CNIH3: variants seen among roughly 807,000 people sequenced by gnomAD.
CNIH3 encodes cornichon family AMPA receptor auxiliary protein 3, also known as protein cornichon homolog 3.
CNIH3 carries 14 observed loss-of-function variants against 24.1 expected under a neutral mutation model. That is an observed-to-expected ratio of 0.58 (90% CI 0.38 to 0.91). CNIH3 has a LOEUF of 0.91. Ranked by LOEUF, CNIH3 falls within the 40% of genes least tolerant of loss-of-function variation. The pLI is 0.00. For missense variants in CNIH3, 178 were observed against 196.8 expected (o/e 0.90, Z 0.57); for synonymous variants, 68 against 73.8 (o/e 0.92, Z 0.40).
downstream of CNIH3, among the ~76,000 whole-genome samples, chr1:224,592,757 A>C (rs1055947394): frequency 6.6e-6 from 1 of 152,190 alleles, no homozygotes; most frequent in East Asian, 1.9e-4. Flanking sequence ...GGCATTTGGC[A>C]TGCACCAGGA....
At chr1:224,522,526 C>T (rs1558127988) in intron 2 of CNIH3, among the ~76,000 whole-genome samples, 1 of 152,146 alleles carries the variant, frequency 6.6e-6, no homozygotes, top group Non-Finnish European at 1.5e-5. Context: ...GTAAAGTGCT[C>T]CTATCTGGAA....
chr1:224,454,769 T>C (rs561688815), intron 1 of CNIH3, among the ~76,000 whole-genome samples: 43 of 152,200 alleles, frequency 2.8e-4, no homozygotes, highest in African/African-American at 1.0e-3. Context: ...CAGTTAGGCA[T>C]TTTACCTGGC....
At chr1:224,479,040 G>A (rs1365788072) in intron 1 of CNIH3, among the ~76,000 whole-genome samples, 2 of 151,956 alleles carry the variant, frequency 1.3e-5, no homozygotes, top group Non-Finnish European at 2.9e-5. Flanking sequence ...TGAGATTTTG[G>A]TGGGGACACA....
intron 5 of CNIH3, among the ~76,000 whole-genome samples, chr1:224,736,636 G>C (rs760548831): frequency 3.3e-5 from 5 of 152,174 alleles, no homozygotes; most frequent in Non-Finnish European, 5.9e-5. Flanking sequence ...ATTCTACTTG[G>C]TTCTGCCTTC....
chr1:224,670,219 C>T (rs977787002), intron 1 of CNIH3, among the ~76,000 whole-genome samples: 10 of 152,038 alleles, frequency 6.6e-5, no homozygotes, highest in African/African-American at 2.2e-4. Context: ...GGCATGGAGC[C>T]GGGGTGGTCC....
At chr1:224,522,406 T>C (rs929564715) in intron 2 of CNIH3, among the ~76,000 whole-genome samples, 2 of 152,146 alleles carry the variant, frequency 1.3e-5, no homozygotes, top group African/African-American at 4.8e-5. Flanking sequence ...GAGTCTGATT[T>C]TGACTCCTCC....
intron 1 of CNIH3, among the ~76,000 whole-genome samples, chr1:224,466,391 A>G (rs1171856073): frequency 6.6e-6 from 1 of 152,224 alleles, no homozygotes; most frequent in Admixed American, 6.5e-5. Context: ...ATCAATCAGC[A>G]TAATTCCCTT....
At chr1:224,536,657 G>A (rs1001549904) in intron 2 of CNIH3, among the ~76,000 whole-genome samples, 1 of 152,266 alleles carries the variant, frequency 6.6e-6, no homozygotes, top group African/African-American at 2.4e-5. Flanking sequence ...CCAAGGTGAC[G>A]GGGCAGAGAT....
At chr1:224,725,497 G>C (rs757558733) in intron 3 of CNIH3, among the ~76,000 whole-genome samples, 4 of 152,200 alleles carry the variant, frequency 2.6e-5, no homozygotes, top group Non-Finnish European at 4.4e-5. Context: ...AAAGCTTGTT[G>C]TCTGAGTCGA....
chr1:224,640,898 GC>G (rs1684326096), intron 1 of CNIH3, among the ~76,000 whole-genome samples: 1 of 152,234 alleles, frequency 6.6e-6, no homozygotes, highest in Non-Finnish European at 1.5e-5. Flanking sequence ...GTTCTAAGCA[GC>G]AGATCTAAAG....
At chr1:224,668,515 T>A (rs779913071) in intron 1 of CNIH3, among the ~76,000 whole-genome samples, 17 of 152,168 alleles carry the variant, frequency 1.1e-4, no homozygotes, top group Non-Finnish European at 2.2e-4. Context: ...GAATGAGTAA[T>A]GATGGATCTT....
At chr1:224,699,397 C>G (rs1378472822) in intron 3 of CNIH3, among the ~76,000 whole-genome samples, 1 of 152,210 alleles carries the variant, frequency 6.6e-6, no homozygotes, top group African/African-American at 2.4e-5. Flanking sequence ...TGAATGTCAG[C>G]CAGGGGTGCC....
chr1:224,651,389 G>C (rs970400639), intron 1 of CNIH3, among the ~76,000 whole-genome samples: 1 of 151,978 alleles, frequency 6.6e-6, no homozygotes, highest in African/African-American at 2.4e-5. Flanking sequence ...AGTTGATAAG[G>C]GATTACATCA....
chr1:224,541,518 C>A (rs895761434), downstream of CNIH3, among the ~76,000 whole-genome samples: 2 of 152,168 alleles, frequency 1.3e-5, no homozygotes, highest in Non-Finnish European at 2.9e-5. Flanking sequence ...GATGTGCATG[C>A]ATATTAAAAA....
At chr1:224,581,182 T>C (rs1572518791) in intron 4 of CNIH3, among the ~76,000 whole-genome samples, 2 of 152,218 alleles carry the variant, frequency 1.3e-5, no homozygotes, top group African/African-American at 4.8e-5. Context: ...TCATACCATG[T>C]TGCTTTTGTC....
rs569906577 is a variant in CNIH3, at chr1:224,604,110, C to T, written n.402+37846C>T. On this transcript the variant is annotated intron_variant and non_coding_transcript_variant, in intron 3 of 7. Coordinates refer to the CNIH3 transcript ENST00000478120. The surrounding 1 kb of genome is among the most constrained non-coding windows in gnomAD (Gnocchi z 4.4). The stretch of plus-strand genomic sequence containing the variant: ...TACACAATGCTTTGTGATTAATAAG[C>T]ACATGGGAGGCCCATTTGTCAGTGG... 2.0e-5 allele frequency among the ~76,000 whole-genome samples: 3 copies of T among 152,300 alleles called. No homozygotes were observed. The highest frequency in any genetic ancestry group is 6.5e-5 in the Admixed American group (1 of 15,304).
intron 3 of CNIH3, among the ~76,000 whole-genome samples, chr1:224,702,915 A>G (rs1413532449): frequency 6.6e-6 from 1 of 152,082 alleles, no homozygotes; most frequent in Non-Finnish European, 1.5e-5. Flanking sequence ...CTGAGATAGT[A>G]TCCTCTACCT....
At chr1:224,702,739 T>C (rs1438431954) in intron 3 of CNIH3, among the ~76,000 whole-genome samples, 1 of 152,194 alleles carries the variant, frequency 6.6e-6, no homozygotes, top group East Asian at 1.9e-4. Flanking sequence ...CAGACCGTGG[T>C]GTTTTCAAAA....
chr1:224,731,519 G>GT (rs977719482), intron 4 of CNIH3, among the ~76,000 whole-genome samples: 12 of 152,136 alleles, frequency 7.9e-5, no homozygotes, highest in African/African-American at 2.9e-4. Context: ...ACCCCAAAGT[G>GT]TTTTATCATT....
Sources: allele counts gnomAD v4.1 joint callset (sites outside exome capture counted in the v4.1 genomes callset), GRCh38; gene constraint gnomAD v4.1.1; non-coding constraint Gnocchi (gnomAD v3.1); transcripts MANE v1.5; gene names NCBI Gene and HGNC (gene_info 2026-07-23, HGNC 2026-07-21).